Variants in ASDURF observed in about 807,000 individuals in gnomAD.
ASDURF encodes the protein ASDURF protein.
ASDURF carries 3 observed loss-of-function variants against 3.3 expected under a neutral mutation model. The observed-to-expected ratio is 0.92, with a 90% CI of 0.42 to 2.37. The LOEUF (loss-of-function observed/expected upper bound fraction) is 2.37, where lower values mean the gene tolerates loss of function less well. Ranked by LOEUF, ASDURF falls within the 30% of genes most tolerant of loss-of-function variation. The pLI, the probability that ASDURF is intolerant of heterozygous loss-of-function variation, is 0.05. For missense variants in ASDURF, 23 were observed against 25.4 expected (o/e 0.90, Z 0.21); for synonymous variants, 11 against 8.3 (o/e 1.32, Z -0.55).
intron 1 of ASDURF, among the ~76,000 whole-genome samples, chr2:189,663,177 C>A (rs1339484109): frequency 6.6e-6 from 1 of 151,018 alleles, no homozygotes; most frequent in Non-Finnish European, 1.5e-5. Context: ...AAATCTAAAT[C>A]ACAACTTAAT....
chr2:189,663,841 A>AT, intron 1 of ASDURF, 60 bp from the exon 2 acceptor site: 1 of 372,600 alleles, frequency 2.7e-6, no homozygotes, highest in South Asian at 1.3e-4. Flanking sequence ...CCCTTAAGGG[A>AT]TTTTCATTGA....
chr2:189,666,198 C>G lies in ASDURF; in HGVS notation c.*87C>G. 1.2e-6 allele frequency: 2 copies of G among 1,610,516 alleles called. No homozygotes were observed. The highest frequency in any genetic ancestry group is 1.7e-6 in the Non-Finnish European group (2 of 1,178,930). ...ATTTCAGTCAAGATTTAAAAGAGGA[C>G]TTACTATATAATCTTAAACAGCGGG... is the stretch of plus-strand genomic sequence containing the variant. On this transcript the variant is annotated 3_prime_UTR_variant, in exon 4 of 4. Transcript: ENST00000607829.
chr2:189,665,762 A>C (rs1284008005), intron 3 of ASDURF, among the ~76,000 whole-genome samples: 1 of 151,576 alleles, frequency 6.6e-6, no homozygotes, highest in Non-Finnish European at 1.5e-5. Flanking sequence ...GAAATACTTT[A>C]AGCCTCCAAG....
chr2:189,662,776 C>G (rs1317751834), intron 1 of ASDURF, among the ~76,000 whole-genome samples: 1 of 151,914 alleles, frequency 6.6e-6, no homozygotes, highest in Non-Finnish European at 1.5e-5. Context: ...CTTAGTTGAG[C>G]CCTCCCCTAC....
In ASDURF at chr2:189,666,146, G is replaced by A. The variant is rs546441433; in HGVS notation, c.*35G>A. 2 of 1,570,110 alleles carry A rather than the reference G, an allele frequency of 1.3e-6. No individual in the cohort carries two copies. Among genetic ancestry groups the A allele is most frequent in the Non-Finnish European group, 1.7e-6 (2 of 1,159,810 alleles). ...TTTCACATAACAATGTGTGGCATTT[G>A]TTGTTCTGTAAACTTTTCTGCTGAG... On this transcript the variant is annotated 3_prime_UTR_variant, in exon 4 of 4. Coordinates refer to ENST00000607829, the MANE Select transcript of ASDURF (RefSeq NM_001353493.2).
chr2:189,665,612 A>ATATACATATATATATATG lies in ASDURF; in HGVS notation c.220+165_220+166insCATATATATATATGTATA, dbSNP rs1559034436. ...TATATATATGTGTATATATATATAT[A>ATATACATATATATATATG]TATATATATATATATATATATATAT... On this transcript the variant is annotated intron_variant, in intron 3 of 3. Transcript: ENST00000607829. Among the ~76,000 whole-genome samples the ATATACATATATATATATG allele has an allele frequency of 1.1e-3, 36 of 32,850 alleles. 1 individual carries two copies. The highest frequency in any genetic ancestry group is 2.5e-3 in the African/African-American group (35 of 13,762). 21.6% of individuals were successfully genotyped at this position (32,850 alleles called of 152,430 possible).
intron 1 of ASDURF, among the ~76,000 whole-genome samples, chr2:189,663,559 A>G (rs1209565864): frequency 1.3e-5 from 2 of 152,172 alleles, no homozygotes; most frequent in Non-Finnish European, 2.9e-5. Flanking sequence ...GGCCTGGTGT[A>G]TATCATATAT....
intron 3 of ASDURF, 140 bp downstream of exon 3, chr2:189,665,591 T>G (rs2032768692): frequency 7.4e-5 from 1 of 13,488 alleles, no homozygotes; most frequent in African/African-American, 2.0e-4. Context: ...CAGTTATATA[T>G]ATATGTGTAT....
At chr2:189,664,888 A>C (rs975195312) in intron 2 of ASDURF, among the ~76,000 whole-genome samples, 3 of 152,262 alleles carry the variant, frequency 2.0e-5, no homozygotes, top group Admixed American at 6.5e-5. Context: ...GGAGAGAATC[A>C]TGGTAGTGCA....
chr2:189,666,248 T>TA lies in ASDURF; in HGVS notation c.*140dup. The TA allele has an allele frequency of 1.2e-6, 2 of 1,614,150 alleles. No individual in the cohort carries two copies. Among genetic ancestry groups the TA allele is most frequent in the Non-Finnish European group, 1.7e-6 (2 of 1,179,994 alleles). ...GGACCCAATAGTAGTAAACAATTGTTAAAGTCTGATGTTAACTACCAGTGT... is the reference window on the plus strand; with the variant it reads ...GGACCCAATAGTAGTAAACAATTGTTAAAAGTCTGATGTTAACTACCAGTGT... On this transcript the variant is annotated 3_prime_UTR_variant, in exon 4 of 4. Transcript: ENST00000607829.
chr2:189,663,845 T>G, intron 1 of ASDURF, 56 bp from the exon 2 acceptor site: 1 of 374,590 alleles, frequency 2.7e-6, no homozygotes, highest in East Asian at 3.7e-5. Flanking sequence ...TAAGGGATTT[T>G]CATTGAGCAT....
intron 1 of ASDURF, among the ~76,000 whole-genome samples, chr2:189,663,552 CTGGT>C (rs1371113775): frequency 6.6e-6 from 1 of 152,192 alleles, no homozygotes; most frequent in Non-Finnish European, 1.5e-5. Flanking sequence ...CGCACCCGGC[CTGGT>C]GTATATCATA....
At chr2:189,661,945 T>G (rs2032674945) in intron 1 of ASDURF, among the ~76,000 whole-genome samples, 1 of 152,174 alleles carries the variant, frequency 6.6e-6, no homozygotes, top group African/African-American at 2.4e-5. Context: ...CTCCATCCAG[T>G]TAACCATGCC....
At chr2:189,665,608 A>ATATATATATATG (rs2032775313) in intron 3 of ASDURF, among the ~76,000 whole-genome samples, 157 bp downstream of exon 3, 5 of 13,396 alleles carry the variant, frequency 3.7e-4, no homozygotes, top group African/African-American at 7.0e-4. Flanking sequence ...GTATATATAT[A>ATATATATATATG]TATATATATA....
intron 2 of ASDURF, 23 bp from the exon 3 acceptor site, chr2:189,665,353 T>G (rs1351897926): frequency 2.5e-6 from 1 of 395,586 alleles, no homozygotes; most frequent in African/African-American, 2.1e-5. Flanking sequence ...AAATTTGATA[T>G]TAGCCTAAAT....
At position 189,662,051 on chromosome 2, in the gene ASDURF, C is replaced by G. The variant is rs143811884; in HGVS notation, c.90+441C>G. On this transcript the variant is annotated intron_variant, in intron 1 of 3. Coordinates refer to ENST00000607829, the MANE Select transcript of ASDURF (RefSeq NM_001353493.2). ...ATATGTCCCTTTATCACCGTGAACACTCTTACCACCCCAAATAAGCCACCG... is the reference window on the plus strand; with the variant it reads ...ATATGTCCCTTTATCACCGTGAACAGTCTTACCACCCCAAATAAGCCACCG... 3.2e-3 allele frequency among the ~76,000 whole-genome samples: 486 copies of G among 152,272 alleles called. 1 individual carries two copies. The highest frequency in any genetic ancestry group is 0.011 in the African/African-American group (470 of 41,558).
rs1289864253 is a variant in ASDURF at position 189,661,553 on chromosome 2, C to T, written c.33C>T (p.Ser11=). Residue 11 remains serine, a synonymous_variant, in exon 1 of 4, where the codon AGC becomes AGT. Coordinates refer to ENST00000607829, the MANE Select transcript of ASDURF (RefSeq NM_001353493.2). MPSRGTRPED[S]SVLIPTDNST... ...GCCGAGGGACGCGACCAGAGGACAG[C>T]TCTGTGCTGATCCCCACCGACAATT... The T allele has an allele frequency of 5.0e-6, 2 of 399,326 alleles. No individual in the cohort carries two copies. The highest frequency in any genetic ancestry group is 8.8e-6 in the Non-Finnish European group (2 of 226,394). The allele number at this position is 399,326 out of a possible 1,614,324, so 24.7% of individuals were successfully genotyped here.
At chr2:189,661,751 C>T (rs1252668438) in intron 1 of ASDURF, 141 bp downstream of exon 1, 1 of 397,570 alleles carries the variant, frequency 2.5e-6, no homozygotes, top group Admixed American at 4.4e-5. Flanking sequence ...ATTCATAGCA[C>T]TTGACAGCCA....
chr2:189,666,191 A>G lies in ASDURF; in HGVS notation c.*80A>G, dbSNP rs761926533. On this transcript the variant is annotated 3_prime_UTR_variant, in exon 4 of 4. Coordinates refer to ENST00000607829, the MANE Select transcript of ASDURF (RefSeq NM_001353493.2). ...GCTGAGCATTTCAGTCAAGATTTAA[A>G]AGAGGACTTACTATATAATCTTAAA... 4 of 1,607,406 alleles carry G rather than the reference A, an allele frequency of 2.5e-6. No individual in the cohort carries two copies. In the Admixed American group the frequency reaches 6.8e-5, roughly 28 times the overall value.
Sources: gnomAD v4.1 joint callset for allele counts (sites outside exome capture counted in the v4.1 genomes callset) on GRCh38, gnomAD v4.1.1 for gene constraint, MANE v1.5 for transcripts, NCBI Gene and HGNC (gene_info 2026-07-23, HGNC 2026-07-21) for gene names.